The following GALNT9 variants were observed in gnomAD, a reference collection of about 807,000 sequenced individuals.
GALNT9 encodes the protein GalNAc transferase 9.
In GALNT9, 47 loss-of-function variants were observed where a neutral mutation model predicts 63.1. The observed-to-expected ratio is 0.75, with a 90% CI of 0.59 to 0.95. The LOEUF is 0.95. Among genes scored for constraint, GALNT9 ranks in the 40% least tolerant of loss-of-function variants. The pLI, the probability that GALNT9 is intolerant of heterozygous loss-of-function variation, is 0.00. For synonymous variants in GALNT9, 396 were observed against 365.7 expected (o/e 1.08, Z -0.94); for missense variants, 829 against 874.8 (o/e 0.95, Z 0.66).
intron 1 of GALNT9, among the ~76,000 whole-genome samples, chr12:132,307,622 A>T (rs1881661207): frequency 6.6e-6 from 1 of 151,114 alleles, no homozygotes; most frequent in South Asian, 2.1e-4. Context: ...TCACCAGGTC[A>T]GGAGTTCAAG....
intron 2 of GALNT9, among the ~76,000 whole-genome samples, chr12:132,271,450 AT>A (rs1221879346): frequency 6.6e-6 from 1 of 152,210 alleles, no homozygotes; most frequent in Non-Finnish European, 1.5e-5. Flanking sequence ...ACACCATAAA[AT>A]TAAGAGATTG....
At chr12:132,280,667 G>A in intron 2 of GALNT9, 1 of 152,338 alleles carries the variant, frequency 6.6e-6, no homozygotes, top group African/African-American at 2.4e-5. Flanking sequence ...AGACTCCTGA[G>A]CCAGCAGAGG....
At chr12:132,284,941 C>T (rs781991224) in intron 2 of GALNT9, among the ~76,000 whole-genome samples, 2 of 152,242 alleles carry the variant, frequency 1.3e-5, no homozygotes. Flanking sequence ...CATGGGGAAC[C>T]CCAGAGCAGG....
intron 6 of GALNT9, among the ~76,000 whole-genome samples, chr12:132,214,614 CAGG>C (rs1877107820): frequency 6.6e-6 from 1 of 152,266 alleles, no homozygotes; most frequent in Non-Finnish European, 1.5e-5. Flanking sequence ...CCAGGCCCCC[CAGG>C]CCTGCTCACC....
intron 2 of GALNT9, among the ~76,000 whole-genome samples, chr12:132,263,323 T>C (rs893187416): frequency 2.6e-5 from 4 of 152,242 alleles, no homozygotes; most frequent in Non-Finnish European, 4.4e-5. Flanking sequence ...CAAGAAAACG[T>C]CACTCCACTC....
At chr12:132,281,227 C>T (rs1040111514) in intron 2 of GALNT9, among the ~76,000 whole-genome samples, 2 of 152,222 alleles carry the variant, frequency 1.3e-5, no homozygotes, top group African/African-American at 2.4e-5. Context: ...CTAAGTGGTA[C>T]GCTTGTGAGG....
At chr12:132,293,198 G>A (rs1327738818) in intron 1 of GALNT9, among the ~76,000 whole-genome samples, 1 of 151,958 alleles carries the variant, frequency 6.6e-6, no homozygotes, top group Non-Finnish European at 1.5e-5. Flanking sequence ...CTGCAGGGAA[G>A]GGGCCTCCAG....
intron 4 of GALNT9, 82 bp downstream of exon 4, chr12:132,260,866 C>A (rs1303420721): frequency 7.0e-6 from 10 of 1,436,896 alleles, no homozygotes; most frequent in Non-Finnish European, 8.2e-6. Flanking sequence ...AGCGGCCAGG[C>A]TGCAGCCGCA....
rs1010085877 is a variant in GALNT9 at position 132,310,512 on chromosome 12, T to C, written c.238+18454A>G. 9.2e-5 allele frequency among the ~76,000 whole-genome samples: 14 copies of C among 152,192 alleles called. No individual in the cohort carries two copies. Among genetic ancestry groups the C allele is most frequent in the African/African-American group, 2.9e-4 (12 of 41,458 alleles). On this transcript the variant is annotated intron_variant, in intron 1 of 10. Coordinates refer to ENST00000328957, the MANE Select transcript of GALNT9 (RefSeq NM_001122636.2). The surrounding 1 kb of genome is among the most constrained non-coding windows in gnomAD (Gnocchi z 4.8). ...AGCAGGCATTTCTGCCGGCTTCCTC[T>C]GTGTCCCTGCCCCCTGAAGAGTCAT...
At chr12:132,289,451 C>T (rs576347505) in intron 1 of GALNT9, among the ~76,000 whole-genome samples, 1 of 152,282 alleles carries the variant, frequency 6.6e-6, no homozygotes, top group African/African-American at 2.4e-5. Flanking sequence ...TGGCAGTAGC[C>T]CCAAAGCTGT....
chr12:132,302,229 T>TACAG, intron 1 of GALNT9, among the ~76,000 whole-genome samples: 1 of 143,820 alleles, frequency 7.0e-6, no homozygotes, highest in East Asian at 2.1e-4. Context: ...TAGAAAATTC[T>TACAG]ACACACACAC....
chr12:132,236,357 C>T lies in GALNT9; in HGVS notation c.1077+11553G>A, dbSNP rs2136894656. Among the ~76,000 whole-genome samples, 7 of 152,176 alleles carry T rather than the reference C, an allele frequency of 4.6e-5. No individual in the cohort carries two copies. The highest frequency in any genetic ancestry group is 2.1e-4 in the South Asian group (1 of 4,820). ...GGAGCCACATCCAGTGTGGGGGCTGCGGGCTCCAGGCCTGGTGTCTCTGGA... is the reference window on the plus strand; with the variant it reads ...GGAGCCACATCCAGTGTGGGGGCTGTGGGCTCCAGGCCTGGTGTCTCTGGA... On this transcript the variant is annotated intron_variant, in intron 6 of 10. Coordinates refer to ENST00000328957, the MANE Select transcript of GALNT9 (RefSeq NM_001122636.2). The surrounding 1 kb of genome is among the most constrained non-coding windows in gnomAD (Gnocchi z 5.6).
At chr12:132,301,900 G>A (rs559001781) in intron 1 of GALNT9, among the ~76,000 whole-genome samples, 2 of 152,320 alleles carry the variant, frequency 1.3e-5, no homozygotes, top group East Asian at 3.9e-4. Context: ...GCCGTCAGAG[G>A]TAGAATTCAA....
intron 6 of GALNT9, among the ~76,000 whole-genome samples, chr12:132,218,116 G>A (rs903117837): frequency 1.3e-5 from 2 of 150,814 alleles, no homozygotes; most frequent in East Asian, 2.0e-4. Flanking sequence ...CCCACCTAGC[G>A]ACCATCTATC....
At chr12:132,200,829 T>C (rs1360373666) in intron 8 of GALNT9, 1 of 421,156 alleles carries the variant, frequency 2.4e-6, no homozygotes, top group Non-Finnish European at 4.3e-6. Flanking sequence ...TGCCTGCCTC[T>C]AGGGAGGTCC....
At chr12:132,204,433 G>A (rs553834839) in intron 6 of GALNT9, among the ~76,000 whole-genome samples, 15 of 152,252 alleles carry the variant, frequency 9.9e-5, no homozygotes, top group African/African-American at 2.9e-4. Flanking sequence ...GGCCTCTGGT[G>A]GGAGCCGTGT....
intron 1 of GALNT9, among the ~76,000 whole-genome samples, chr12:132,299,889 C>T (rs930655534): frequency 6.7e-6 from 1 of 148,518 alleles, no homozygotes; most frequent in African/African-American, 2.5e-5. Flanking sequence ...AACTAACCCA[C>T]TCCCACCACA....
At position 132,218,780 on chromosome 12, in the gene GALNT9, C is replaced by G. The variant is rs914271128; in HGVS notation, c.1078-15090G>C. On this transcript the variant is annotated intron_variant, in intron 6 of 10. Coordinates refer to ENST00000328957, the MANE Select transcript of GALNT9 (RefSeq NM_001122636.2). ...ACGGAGGTTTCAGATACAATGGAGG[C>G]GAAGAAGGCAGTGGCCACAGCATTC... 3.3e-5 allele frequency among the ~76,000 whole-genome samples: 5 copies of G among 152,198 alleles called. No homozygotes were observed. In the East Asian group the frequency reaches 9.7e-4, roughly 29 times the overall value.
intron 1 of GALNT9, among the ~76,000 whole-genome samples, chr12:132,300,762 A>C (rs1881264805): frequency 1.4e-5 from 2 of 142,358 alleles, no homozygotes; most frequent in Admixed American, 7.1e-5. Flanking sequence ...GAGATAACTC[A>C]CTCCCATGAT....
Sources: gnomAD v4.1 joint callset for allele counts (sites outside exome capture counted in the v4.1 genomes callset) on GRCh38, gnomAD v4.1.1 for gene constraint, Gnocchi (gnomAD v3.1) non-coding constraint, MANE v1.5 for transcripts, NCBI Gene and HGNC (gene_info 2026-07-23, HGNC 2026-07-21) for gene names.